ENOSF1: variants seen among roughly 807,000 people sequenced by gnomAD.
The protein encoded by ENOSF1 is enolase superfamily member 1.
A neutral mutation model predicts 68.2 loss-of-function variants in ENOSF1; 73 were observed. That is an observed-to-expected ratio of 1.07 (90% CI 0.89 to 1.30). The LOEUF (loss-of-function observed/expected upper bound fraction) is 1.30, where lower values mean the gene tolerates loss of function less well. ENOSF1 is among the 50% of genes most tolerant of loss of function. The probability of loss-of-function intolerance (pLI) is 0.00; values close to 1 mark genes in which losing one functional copy is unlikely to be tolerated. For synonymous variants in ENOSF1, 223 were observed against 210.4 expected (o/e 1.06, Z -0.52); for missense variants, 589 against 554.5 (o/e 1.06, Z -0.62).
At chr18:667,463 A>T (rs113870701), downstream of ENOSF1, among the ~76,000 whole-genome samples, 6 of 3,528 alleles carry the variant, frequency 1.7e-3, no homozygotes, top group African/African-American at 4.9e-3. Context: ...GTGATGATGG[A>T]GATGGTGATG....
At chr18:707,872 ATTT>A (rs869203899) in intron 1 of ENOSF1, among the ~76,000 whole-genome samples, 2 of 120,884 alleles carry the variant, frequency 1.7e-5, no homozygotes, top group African/African-American at 6.7e-5. Flanking sequence ...TATTATTATT[ATTT>A]TTGAGACTGA....
Position 673,000 on chromosome 18 carries a change from T to G in ENOSF1, c.*1305A>C, listed in dbSNP as rs1598485930. 6.4e-7 allele frequency: 1 copy of G among 1,559,386 alleles called. No homozygotes were observed. Among genetic ancestry groups the G allele is most frequent in the Non-Finnish European group, 8.8e-7 (1 of 1,138,822 alleles). ...TTAAAATGGAAATGGCTGTTTAGGGTGCTTTCAAAGGAGCTCGAAGGATAT... is the reference window on the plus strand; with the variant it reads ...TTAAAATGGAAATGGCTGTTTAGGGGGCTTTCAAAGGAGCTCGAAGGATAT... On this transcript the variant is annotated 3_prime_UTR_variant, in exon 16 of 16. Coordinates refer to ENST00000647584, the MANE Select transcript of ENOSF1 (RefSeq NM_017512.7).
In ENOSF1 at chr18:675,312, AC is replaced by A; in HGVS notation, c.1230+8del. The stretch of plus-strand genomic sequence containing the variant: ...TCTCTTCTACAGGGGCCCTCAGGCC[AC>A]AGCTTACCTTGGGAGGCATGTAGGA... On this transcript the variant is annotated splice_region_variant and intron_variant, in intron 15 of 15. Coordinates refer to ENST00000647584, the MANE Select transcript of ENOSF1 (RefSeq NM_017512.7). 6.2e-7 allele frequency: 1 copy of A among 1,607,800 alleles called. No individual in the cohort carries two copies. Among genetic ancestry groups the A allele is most frequent in the Non-Finnish European group, 8.5e-7 (1 of 1,177,750 alleles).
downstream of ENOSF1, chr18:670,245 C>T (rs1329724407): frequency 1.9e-5 from 3 of 154,790 alleles, no homozygotes; most frequent in Admixed American, 1.3e-4. Context: ...AGGCTAGTCT[C>T]GAACTCAAGT....
chr18:678,600 G>A, intron 12 of ENOSF1, 96 bp downstream of exon 12: 1 of 1,216,424 alleles, frequency 8.2e-7, no homozygotes, highest in Non-Finnish European at 1.2e-6. Flanking sequence ...AAGTACAGCA[G>A]GTGATGGAGC....
At chr18:691,170 C>G in intron 6 of ENOSF1, 34 bp downstream of exon 6, 1 of 1,613,274 alleles carries the variant, frequency 6.2e-7, no homozygotes, top group East Asian at 2.2e-5. Flanking sequence ...ACTGTGTGTG[C>G]ACGTCGTGTA....
intron 3 of ENOSF1, among the ~76,000 whole-genome samples, chr18:696,461 T>G (rs925867808): frequency 1.3e-5 from 2 of 152,062 alleles, no homozygotes; most frequent in Admixed American, 6.5e-5. Context: ...TCTGCCTGCC[T>G]TGGCCTCCCA....
rs748979234 is a variant in ENOSF1 at position 691,256 on chromosome 18, G to A, written c.444C>T (p.Ser148=). 8 of 1,614,018 alleles carry A rather than the reference G, an allele frequency of 5.0e-6. No homozygotes were observed. In the Admixed American group the frequency reaches 8.3e-5, roughly 17 times the overall value. Residue 148 remains serine, a synonymous_variant, in exon 6 of 16, where the codon TCC becomes TCT. Transcript: ENST00000647584. ...LVDMDPRMLV[S]CIDFRYITDV... is the part of the protein sequence containing the mutation. Reference sequence around the variant, plus strand: ...CAGTGATGTACCTGAAATCTATGCAGGATACCAGCATCCTGGGATCCTGGC... The same window carrying A: ...CAGTGATGTACCTGAAATCTATGCAAGATACCAGCATCCTGGGATCCTGGC...
At chr18:675,268 G>A (rs1246700697) in intron 15 of ENOSF1, 53 bp downstream of exon 15, 21 of 1,376,182 alleles carry the variant, frequency 1.5e-5, no homozygotes, top group South Asian at 4.9e-5. Flanking sequence ...CGAGACAGGC[G>A]TGGCAGTGGC....
At chr18:666,911 ATGGTGATGGAGATGGTGATGGT>A (rs2074830422), downstream of ENOSF1, among the ~76,000 whole-genome samples, 2 of 65,342 alleles carry the variant, frequency 3.1e-5, no homozygotes, top group Admixed American at 2.3e-4. Flanking sequence ...GGAGATGGTG[ATGGTGATGGAGATGGTGATGGT>A]GATGGAGATG....
chr18:693,055 C>A, intron 5 of ENOSF1: 2 of 1,282,284 alleles, frequency 1.6e-6, no homozygotes, highest in Non-Finnish European at 2.0e-6. Flanking sequence ...GTCACATGCT[C>A]AAGGTCATGC....
At chr18:707,066 G>A (rs962614710) in intron 1 of ENOSF1, among the ~76,000 whole-genome samples, 11 of 152,054 alleles carry the variant, frequency 7.2e-5, no homozygotes, top group African/African-American at 2.7e-4. Flanking sequence ...TGATCCACCT[G>A]CCTTGGCCTC....
At chr18:683,476 C>T (rs1293485830) in intron 10 of ENOSF1, 96 bp from the exon 11 acceptor site, 1 of 1,454,452 alleles carries the variant, frequency 6.9e-7, no homozygotes, top group Non-Finnish European at 9.5e-7. Flanking sequence ...CTCAGTGCCA[C>T]CAACAGCTGA....
At chr18:669,945 G>A (rs973021530), downstream of ENOSF1, among the ~76,000 whole-genome samples, 10 of 151,686 alleles carry the variant, frequency 6.6e-5, no homozygotes, top group African/African-American at 2.2e-4. Flanking sequence ...CTGGGCAACA[G>A]AGTGAGACCC....
intron 14 of ENOSF1, 32 bp downstream of exon 14, chr18:677,313 G>A: frequency 6.3e-7 from 1 of 1,578,570 alleles, no homozygotes; most frequent in Non-Finnish European, 8.7e-7. Context: ...GGACCCTACT[G>A]AAACAGAAAG....
chr18:673,788 C>T lies in ENOSF1; in HGVS notation c.*517G>A, dbSNP rs1409640198. 3 of 150,818 alleles carry T rather than the reference C, an allele frequency of 2.0e-5. No homozygotes were observed. The highest frequency in any genetic ancestry group is 1.9e-4 in the East Asian group (1 of 5,266). 9.3% of individuals were successfully genotyped at this position (150,818 alleles called of 1,614,324 possible). A position where few individuals can be genotyped will look rare whatever the true frequency, so the allele number is the denominator to read the frequency against. The stretch of plus-strand genomic sequence containing the variant: ...AATCTATGGACTACCATTTTGCCCT[C>T]ATTAGCTTCAGCATGGTGTGACTTC... On this transcript the variant is annotated 3_prime_UTR_variant, in exon 16 of 16. Coordinates refer to ENST00000647584, the MANE Select transcript of ENOSF1 (RefSeq NM_017512.7).
downstream of ENOSF1, among the ~76,000 whole-genome samples, chr18:666,939 A>T (rs62090122): frequency 0.43 from 11,488 of 26,978 alleles, 1,858 homozygotes; most frequent in Non-Finnish European, 0.44. Flanking sequence ...ATGGTGATGG[A>T]GATGGTGATG....
intron 9 of ENOSF1, chr18:687,123 G>A (rs560914230): frequency 1.9e-4 from 29 of 152,282 alleles, no homozygotes; most frequent in African/African-American, 7.0e-4. Flanking sequence ...CAACTTGGAG[G>A]AGGACCAAAG....
At chr18:690,866 C>T in intron 7 of ENOSF1, 1 of 1,356,324 alleles carries the variant, frequency 7.4e-7, no homozygotes, top group Non-Finnish European at 9.9e-7. Flanking sequence ...AGCCAAACTT[C>T]CTTTCAGCAG....
Sources: allele counts gnomAD v4.1 joint callset (sites outside exome capture counted in the v4.1 genomes callset), GRCh38; gene constraint gnomAD v4.1.1; transcripts MANE v1.5; gene names NCBI Gene and HGNC (gene_info 2026-07-23, HGNC 2026-07-21).